Variants in KCNQ5 observed in about 807,000 individuals in gnomAD.
KCNQ5 encodes the protein potassium voltage-gated channel subfamily Q member 5, also known as potassium voltage-gated channel subfamily KQT member 5.
In KCNQ5, 30 loss-of-function variants were observed where a neutral mutation model predicts 98.2. The ratio of observed to expected loss-of-function variants is 0.31; its 90% CI spans 0.23 to 0.41. The LOEUF (loss-of-function observed/expected upper bound fraction) is 0.41. Among genes scored for constraint, KCNQ5 ranks in the 10% least tolerant of loss-of-function variants. The pLI is 1.00. For missense variants in KCNQ5, 835 were observed against 1,182.5 expected (o/e 0.71, Z 4.31); for synonymous variants, 458 against 449.4 (o/e 1.02, Z -0.24).
At chr6:72,835,730 A>G (rs891240006) in intron 1 of KCNQ5, among the ~76,000 whole-genome samples, 7 of 152,216 alleles carry the variant, frequency 4.6e-5, no homozygotes, top group African/African-American at 1.7e-4. Flanking sequence ...GAATTTGTCC[A>G]GTAAAACCTG....
rs1377571239 is a variant in KCNQ5 at position 72,716,601 on chromosome 6, A to AT, written c.398+94020dup. On this transcript the variant is annotated intron_variant, in intron 1 of 13. Transcript: ENST00000370398. ...TACCATATTTTGTACAGAAGATTGA[A>AT]TTTTTTCTTTTTACACAGGTAAGAC... Among the ~76,000 whole-genome samples, 3 of 152,258 alleles carry AT rather than the reference A, an allele frequency of 2.0e-5. No homozygotes were observed. The South Asian group carries it at 6.2e-4, about 32-fold the overall frequency.
rs912714529 is a variant in KCNQ5 at position 72,833,303 on chromosome 6, G to A, written c.399-170605G>A. Among the ~76,000 whole-genome samples, 8 of 152,080 alleles carry A rather than the reference G, an allele frequency of 5.3e-5. No homozygotes were observed. In the East Asian group the frequency reaches 9.6e-4, roughly 18 times the overall value. On this transcript the variant is annotated intron_variant, in intron 1 of 13. Coordinates refer to ENST00000370398, the MANE Select transcript of KCNQ5 (RefSeq NM_019842.4). ...ATGTGCCCATCTCATAGGGTTATTC[G>A]GGAGGTAGAGTAAGCTAAATTATTA...
At chr6:72,637,521 C>T (rs1386847727) in intron 1 of KCNQ5, among the ~76,000 whole-genome samples, 1 of 152,014 alleles carries the variant, frequency 6.6e-6, no homozygotes, top group Non-Finnish European at 1.5e-5. Context: ...AGTGGTACTT[C>T]CCAGTGCAGC....
chr6:72,680,131 G>A (rs745677110), intron 1 of KCNQ5, among the ~76,000 whole-genome samples: 3 of 152,094 alleles, frequency 2.0e-5, no homozygotes, highest in Non-Finnish European at 2.9e-5. Flanking sequence ...ATGGGATTCC[G>A]AAATATTTTT....
chr6:73,149,139 C>A (rs1045486079), intron 10 of KCNQ5, among the ~76,000 whole-genome samples: 5 of 152,068 alleles, frequency 3.3e-5, no homozygotes, highest in African/African-American at 1.2e-4. Context: ...GGGTTATGAT[C>A]AGCATTCTTT....
intron 5 of KCNQ5, among the ~76,000 whole-genome samples, chr6:73,096,329 C>A (rs1774494501): frequency 1.0e-5 from 1 of 95,940 alleles, no homozygotes. Flanking sequence ...GGGCAAAGGT[C>A]CTTAGGCAAA....
chr6:72,950,397 A>T (rs946868741), intron 1 of KCNQ5, among the ~76,000 whole-genome samples: 2 of 152,232 alleles, frequency 1.3e-5, no homozygotes, highest in African/African-American at 4.8e-5. Context: ...GAGTTGATGA[A>T]GCTAATGCTT....
intron 1 of KCNQ5, among the ~76,000 whole-genome samples, chr6:72,815,399 C>T (rs1775459359): frequency 1.3e-5 from 2 of 152,148 alleles, no homozygotes; most frequent in Admixed American, 6.5e-5. Flanking sequence ...GAAGACCAAG[C>T]ACTTGACTGG....
chr6:72,763,938 T>C (rs974659252), intron 1 of KCNQ5, among the ~76,000 whole-genome samples: 1 of 152,002 alleles, frequency 6.6e-6, no homozygotes, highest in African/African-American at 2.4e-5. Flanking sequence ...TCCATTTCAA[T>C]ATAGAACACT....
chr6:73,024,823 GC>G (rs1384771918), intron 2 of KCNQ5, among the ~76,000 whole-genome samples: 1 of 152,146 alleles, frequency 6.6e-6, no homozygotes, highest in Non-Finnish European at 1.5e-5. Flanking sequence ...TATGAATCAG[GC>G]CCTAGCCTAT....
Position 73,196,113 on chromosome 6 carries a change from G to C in KCNQ5, c.*699G>C, listed in dbSNP as rs1363158377. On this transcript the variant is annotated 3_prime_UTR_variant, in exon 14 of 14. Transcript: ENST00000370398. ...GGCCAGTGAGGCAAATAGACTATCT[G>C]ACATATTTGACTTTATGAAAACATA... 5 of 152,574 alleles carry C rather than the reference G, an allele frequency of 3.3e-5. No individual in the cohort carries two copies. Among genetic ancestry groups the C allele is most frequent in the Admixed American group, 3.3e-4 (5 of 15,330 alleles). 9.5% of individuals were successfully genotyped at this position (152,574 alleles called of 1,614,324 possible).
intron 1 of KCNQ5, among the ~76,000 whole-genome samples, chr6:72,643,480 G>T (rs1382234683): frequency 6.6e-6 from 1 of 152,128 alleles, no homozygotes; most frequent in African/African-American, 2.4e-5. Flanking sequence ...ATGTAGTACA[G>T]ATTGAGTATC....
At chr6:73,088,980 C>T (rs1774114976) in intron 5 of KCNQ5, among the ~76,000 whole-genome samples, 1 of 152,160 alleles carries the variant, frequency 6.6e-6, no homozygotes, top group South Asian at 2.1e-4. Flanking sequence ...GCCATAATTT[C>T]AGCTTCTAAA....
chr6:72,916,001 C>A (rs886553712), intron 1 of KCNQ5, among the ~76,000 whole-genome samples: 3 of 152,156 alleles, frequency 2.0e-5, no homozygotes, highest in Non-Finnish European at 4.4e-5. Context: ...TAATTGAATT[C>A]TTCCCTAGAC....
intron 1 of KCNQ5, among the ~76,000 whole-genome samples, chr6:72,932,943 A>AT (rs1201578058): frequency 6.6e-6 from 1 of 152,188 alleles, no homozygotes; most frequent in Non-Finnish European, 1.5e-5. Context: ...TTTCTTGAAA[A>AT]TTCATTTAAC....
At chr6:73,015,419 A>G (rs1331815183) in intron 2 of KCNQ5, among the ~76,000 whole-genome samples, 1 of 152,170 alleles carries the variant, frequency 6.6e-6, no homozygotes, top group Non-Finnish European at 1.5e-5. Context: ...TGCCCCATAA[A>G]AAGTATTTCA....
intron 1 of KCNQ5, chr6:72,986,459 C>T: frequency 2.1e-6 from 1 of 483,796 alleles, no homozygotes; most frequent in East Asian, 3.3e-5. Context: ...CAATTTTAAA[C>T]AATGATGATT....
rs1765859677 is a variant in KCNQ5 at position 73,198,028 on chromosome 6, T to C, written c.*2614T>C. On this transcript the variant is annotated 3_prime_UTR_variant, in exon 14 of 14. Transcript: ENST00000370398. ...AAATTGGGGGATGTTAAAAGATAGTTGTGTGGAAGCTATAAGGTTCTGTCT... is the reference window on the plus strand; with the variant it reads ...AAATTGGGGGATGTTAAAAGATAGTCGTGTGGAAGCTATAAGGTTCTGTCT... 1 of 152,194 alleles carries C rather than the reference T, an allele frequency of 6.6e-6. No homozygotes were observed. Among genetic ancestry groups the C allele is most frequent in the African/African-American group, 2.4e-5 (1 of 41,444 alleles). The allele number at this position is 152,194 out of a possible 1,614,324, so 9.4% of individuals were successfully genotyped here. A position where few individuals can be genotyped will look rare whatever the true frequency, so the allele number is the denominator to read the frequency against.
intron 1 of KCNQ5, among the ~76,000 whole-genome samples, chr6:72,638,224 A>G (rs2098925307): frequency 6.6e-6 from 1 of 152,172 alleles, no homozygotes; most frequent in African/African-American, 2.4e-5. Context: ...ACTCAGTAGA[A>G]TGGCTCCAGT....
Sources: gnomAD v4.1 joint callset for allele counts (sites outside exome capture counted in the v4.1 genomes callset) on GRCh38, gnomAD v4.1.1 for gene constraint, MANE v1.5 for transcripts, NCBI Gene and HGNC (gene_info 2026-07-23, HGNC 2026-07-21) for gene names.